Variants in DAB1 observed in about 807,000 individuals in gnomAD.
The protein encoded by DAB1 is DAB adaptor protein 1, also known as disabled homolog 1.
A neutral mutation model predicts 64.6 loss-of-function variants in DAB1; 15 were observed. The ratio of observed to expected loss-of-function variants is 0.23; its 90% CI spans 0.16 to 0.36. The LOEUF (loss-of-function observed/expected upper bound fraction) is 0.36. DAB1 is among the 10% of genes least tolerant of loss of function. DAB1 has a pLI of 1.00. For synonymous variants in DAB1, 235 were observed against 251.9 expected, an observed-to-expected ratio of 0.93 and a Z score of 0.64; for missense variants, 596 against 706.7, an observed-to-expected ratio of 0.84 and a Z score of 1.78.
intron 1 of DAB1, chr1:58,534,085 A>G (rs2100481981): frequency 2.3e-6 from 2 of 868,920 alleles, no homozygotes; most frequent in East Asian, 2.4e-5. Context: ...AAATAATGTA[A>G]GCAATTAGAA....
intron 4 of DAB1, among the ~76,000 whole-genome samples, chr1:58,269,086 C>T (rs1030962556): frequency 1.9e-4 from 29 of 150,878 alleles, no homozygotes; most frequent in African/African-American, 6.8e-4. Flanking sequence ...CATATGTATA[C>T]ATGTGCCATG....
intron 7 of DAB1, among the ~76,000 whole-genome samples, chr1:57,481,490 G>A (rs1240882913): frequency 6.6e-6 from 1 of 152,150 alleles, no homozygotes; most frequent in African/African-American, 2.4e-5. Context: ...ATACAGCTCT[G>A]AGTATCTGTT....
intron 7 of DAB1, among the ~76,000 whole-genome samples, chr1:57,513,342 C>T (rs1644426582): frequency 1.3e-5 from 2 of 152,106 alleles, no homozygotes; most frequent in Non-Finnish European, 2.9e-5. Flanking sequence ...ACTCAGATGT[C>T]ATTTCCTTAA....
At chr1:57,766,546 C>T (rs960822319) in intron 6 of DAB1, among the ~76,000 whole-genome samples, 7 of 152,168 alleles carry the variant, frequency 4.6e-5, no homozygotes, top group Non-Finnish European at 8.8e-5. Context: ...CTCCCAGATG[C>T]CTGCACACTT....
intron 3 of DAB1, among the ~76,000 whole-genome samples, chr1:58,414,281 A>C (rs1644696601): frequency 6.6e-6 from 1 of 151,954 alleles, no homozygotes; most frequent in Non-Finnish European, 1.5e-5. Flanking sequence ...TCCTCACCTA[A>C]CTCATCCTGC....
rs772989513 is a variant in DAB1 at position 57,207,446 on chromosome 1, C to CTTTTTTTTTTTTTTTTT, written c.68-62018_68-62017insAAAAAAAAAAAAAAAAA. On this transcript the variant is annotated intron_variant, in intron 2 of 14. Transcript: ENST00000371236. The stretch of plus-strand genomic sequence containing the variant: ...CTGTAATTCATACCTTATTTCCTTT[C>CTTTTTTTTTTTTTTTTT]TTTTTTTTTTTTTTTGAGATGGAGT... Among the ~76,000 whole-genome samples, 371 of 98,350 alleles carry CTTTTTTTTTTTTTTTTT rather than the reference C, an allele frequency of 3.8e-3. 54 individuals are homozygous for CTTTTTTTTTTTTTTTTT. Among genetic ancestry groups the CTTTTTTTTTTTTTTTTT allele is most frequent in the African/African-American group, 7.9e-3 (219 of 27,894 alleles). 64.5% of individuals were successfully genotyped at this position (98,350 alleles called of 152,430 possible).
chr1:57,761,966 G>T (rs774726026), intron 6 of DAB1, among the ~76,000 whole-genome samples: 1 of 152,078 alleles, frequency 6.6e-6, no homozygotes, highest in Non-Finnish European at 1.5e-5. Flanking sequence ...TGTACCCACC[G>T]TGCCCACAGA....
chr1:58,522,632 G>C (rs1233696567), intron 2 of DAB1, among the ~76,000 whole-genome samples: 1 of 152,122 alleles, frequency 6.6e-6, no homozygotes, highest in African/African-American at 2.4e-5. Flanking sequence ...CCTCTGTGCA[G>C]TCAAAAATCC....
At chr1:58,533,070 A>T (rs1315286733) in intron 1 of DAB1, among the ~76,000 whole-genome samples, 1 of 152,232 alleles carries the variant, frequency 6.6e-6, no homozygotes, top group Non-Finnish European at 1.5e-5. Flanking sequence ...ACAATTTAAA[A>T]AATACTTTCT....
intron 6 of DAB1, among the ~76,000 whole-genome samples, chr1:57,685,633 G>C (rs570035059): frequency 2.9e-4 from 44 of 152,110 alleles, no homozygotes; most frequent in Non-Finnish European, 4.1e-4. Flanking sequence ...CACAAAACAT[G>C]TTCTAAGATT....
At chr1:58,486,441 T>C (rs750460416) in intron 3 of DAB1, among the ~76,000 whole-genome samples, 2 of 152,210 alleles carry the variant, frequency 1.3e-5, no homozygotes, top group African/African-American at 2.4e-5. Context: ...GCTAAATTTC[T>C]ATAAGGGAGT....
chr1:57,202,351 T>G (rs1665174217), intron 2 of DAB1, among the ~76,000 whole-genome samples: 1 of 152,208 alleles, frequency 6.6e-6, no homozygotes, highest in South Asian at 2.1e-4. Flanking sequence ...ATTTTATTTT[T>G]CTGAATTTTT....
chr1:57,803,218 C>T (rs1407254891), intron 6 of DAB1, among the ~76,000 whole-genome samples: 1 of 152,206 alleles, frequency 6.6e-6, no homozygotes, highest in Non-Finnish European at 1.5e-5. Context: ...TCGTTACTTG[C>T]AAATTGTAGT....
At chr1:58,368,541 T>G (rs531994023) in intron 3 of DAB1, among the ~76,000 whole-genome samples, 1 of 114,622 alleles carries the variant, frequency 8.7e-6, no homozygotes, top group South Asian at 3.3e-4. Context: ...AGCCCTTCTG[T>G]TAGAGTATTT....
At chr1:58,303,575 C>T (rs980453901) in intron 4 of DAB1, among the ~76,000 whole-genome samples, 1 of 152,122 alleles carries the variant, frequency 6.6e-6, no homozygotes, top group South Asian at 2.1e-4. Flanking sequence ...ACCAGAGATG[C>T]GTGATATGAC....
chr1:56,996,058 T>C lies in DAB1; in HGVS notation c.*2086A>G, dbSNP rs556135370. 6.6e-6 allele frequency: 1 copy of C among 152,288 alleles called. No homozygotes were observed. Among genetic ancestry groups the C allele is most frequent in the African/African-American group, 2.4e-5 (1 of 41,566 alleles). The allele number at this position is 152,288 out of a possible 1,614,324, so 9.4% of individuals were successfully genotyped here. A position where few individuals can be genotyped will look rare whatever the true frequency, so the allele number is the denominator to read the frequency against. On this transcript the variant is annotated 3_prime_UTR_variant, in exon 15 of 15. Transcript: ENST00000371236. ...CAGTTTATCTAACTGAAAAAAAAAT[T>C]AGACTCCTGTGACCTGATAGTGTAA... is the stretch of plus-strand genomic sequence containing the variant.
intron 7 of DAB1, chr1:57,606,356 G>C: frequency 8.2e-6 from 1 of 122,010 alleles, no homozygotes; most frequent in Admixed American, 1.1e-4. Context: ...AAGTTCTTCA[G>C]TCAGTCATCC....
At chr1:58,130,889 C>T (rs536588885) in intron 5 of DAB1, among the ~76,000 whole-genome samples, 2 of 152,038 alleles carry the variant, frequency 1.3e-5, no homozygotes, top group African/African-American at 4.8e-5. Flanking sequence ...CTGCCCTTAA[C>T]ATTTTTTCCT....
chr1:58,505,660 C>T (rs1645976844), intron 3 of DAB1, among the ~76,000 whole-genome samples: 3 of 152,140 alleles, frequency 2.0e-5, no homozygotes, highest in Admixed American at 2.0e-4. Flanking sequence ...TTAATATCCA[C>T]TTGACCCAAA....
Sources: allele counts gnomAD v4.1 joint callset (sites outside exome capture counted in the v4.1 genomes callset), GRCh38; gene constraint gnomAD v4.1.1; transcripts MANE v1.5; gene names NCBI Gene and HGNC (gene_info 2026-07-23, HGNC 2026-07-21).